Variants in CFAP20DC observed in about 807,000 individuals in gnomAD.
CFAP20DC encodes protein CFAP20DC.
In CFAP20DC, 84 loss-of-function variants were observed where a neutral mutation model predicts 101.7. That is an observed-to-expected ratio of 0.83 (90% CI 0.69 to 0.99). The LOEUF (loss-of-function observed/expected upper bound fraction) is 0.99. Ranked by LOEUF, CFAP20DC falls within the 50% of genes least tolerant of loss-of-function variation. The pLI, the probability that CFAP20DC is intolerant of heterozygous loss-of-function variation, is 0.00. For missense variants in CFAP20DC, 1,007 were observed against 970.3 expected (o/e 1.04, Z -0.50); for synonymous variants, 359 against 351.2 (o/e 1.02, Z -0.25).
intron 4 of CFAP20DC, among the ~76,000 whole-genome samples, chr3:59,011,581 A>C (rs545910041): frequency 6.6e-6 from 1 of 152,190 alleles, no homozygotes; most frequent in Non-Finnish European, 1.5e-5. Context: ...TCAAACCCAA[A>C]CTCAGCAGAA....
At chr3:58,808,720 A>G (rs1369773935) in intron 14 of CFAP20DC, among the ~76,000 whole-genome samples, 1 of 152,178 alleles carries the variant, frequency 6.6e-6, no homozygotes, top group South Asian at 2.1e-4. Flanking sequence ...AACTATATTA[A>G]CCTTAAATGT....
chr3:58,787,228 CT>C (rs1294499724), intron 15 of CFAP20DC, among the ~76,000 whole-genome samples: 4 of 150,660 alleles, frequency 2.7e-5, no homozygotes, highest in Non-Finnish European at 4.4e-5. Flanking sequence ...TCTCAGTAAA[CT>C]ATCGCAAGAA....
rs2093667089 is a variant in CFAP20DC at position 59,015,361 on chromosome 3, G to T, written c.278+24196C>A. On this transcript the variant is annotated intron_variant, in intron 4 of 16. Coordinates refer to ENST00000482387, the MANE Select transcript of CFAP20DC (RefSeq NM_001394063.1). The surrounding 1 kb of genome is among the most constrained non-coding windows in gnomAD (Gnocchi z 5.4). ...ATGAGAAGGAAAGGAAGAAGGAAAA[G>T]AAAAATTAGGAAGAAGAAGAATAAA... Among the ~76,000 whole-genome samples, 1 of 151,372 alleles carries T rather than the reference G, an allele frequency of 6.6e-6. No homozygotes were observed. Among genetic ancestry groups the T allele is most frequent in the Admixed American group, 6.6e-5 (1 of 15,148 alleles).
At chr3:58,880,762 T>A (rs1289501711) in intron 7 of CFAP20DC, among the ~76,000 whole-genome samples, 1 of 152,148 alleles carries the variant, frequency 6.6e-6, no homozygotes, top group South Asian at 2.1e-4. Context: ...ACTTAAAATT[T>A]TTTTGACAAA....
At chr3:58,744,143 T>C (rs2068038843) in intron 16 of CFAP20DC, among the ~76,000 whole-genome samples, 1 of 152,218 alleles carries the variant, frequency 6.6e-6, no homozygotes, top group African/African-American at 2.4e-5. Context: ...CTTGATGGTT[T>C]AGAAAGCTCT....
At chr3:58,852,555 C>G (rs941696166) in intron 12 of CFAP20DC, among the ~76,000 whole-genome samples, 15 of 151,914 alleles carry the variant, frequency 9.9e-5, no homozygotes, top group African/African-American at 3.4e-4. Flanking sequence ...AGCACCACAC[C>G]TATTCCAAAA....
At position 58,923,389 on chromosome 3, in the gene CFAP20DC, A is replaced by G. The variant is rs571105580; in HGVS notation, c.394-9525T>C. ...TTTTCAGTTTTGACAACTTCCTTTA[A>G]TATTTTCGTAGCATCAGTTTACTGG... On this transcript the variant is annotated intron_variant, in intron 5 of 16. Transcript: ENST00000482387. 1.6e-4 allele frequency among the ~76,000 whole-genome samples: 25 copies of G among 152,278 alleles called. No homozygotes were observed. In the South Asian group the frequency reaches 5.0e-3, roughly 30 times the overall value.
chr3:59,000,546 G>C (rs1245769434), intron 4 of CFAP20DC, among the ~76,000 whole-genome samples: 1 of 152,160 alleles, frequency 6.6e-6, no homozygotes, highest in African/African-American at 2.4e-5. Flanking sequence ...AAGAGATTTG[G>C]AAATGCTGAT....
intron 4 of CFAP20DC, chr3:58,970,739 T>C (rs1297055819): frequency 1.3e-5 from 2 of 152,140 alleles, no homozygotes; most frequent in Non-Finnish European, 2.9e-5. Flanking sequence ...AATAATAACA[T>C]CTGTCCTTCC....
chr3:58,761,762 A>C (rs58611099), intron 15 of CFAP20DC, among the ~76,000 whole-genome samples: 8,437 of 152,280 alleles, frequency 0.055, 519 homozygotes, highest in East Asian at 0.35. Context: ...GTTTCAAAGA[A>C]CATCTTTATT....
intron 5 of CFAP20DC, among the ~76,000 whole-genome samples, chr3:58,920,266 A>C (rs1428253884): frequency 1.3e-5 from 2 of 151,530 alleles, no homozygotes; most frequent in East Asian, 3.9e-4. Context: ...AATTTTAAAA[A>C]ATTATTTGTA....
rs1345728173 is a variant in CFAP20DC, at chr3:58,724,361, G to C, written c.198-6733C>G. On this transcript the variant is annotated intron_variant, in intron 3 of 3. Transcript: ENST00000486145. The surrounding 1 kb of genome is among the most constrained non-coding windows in gnomAD (Gnocchi z 5.6). ...AATAAGTTGTGGAAAGCCACAAGAG[G>C]TCTCTGAGGAGGAAAGCCTCCTAAT... is the stretch of plus-strand genomic sequence containing the variant. 6.6e-6 allele frequency among the ~76,000 whole-genome samples: 1 copy of C among 152,176 alleles called. No homozygotes were observed. Among genetic ancestry groups the C allele is most frequent in the Non-Finnish European group, 1.5e-5 (1 of 68,040 alleles).
At chr3:58,753,319 A>G (rs969720709) in intron 16 of CFAP20DC, among the ~76,000 whole-genome samples, 3 of 152,192 alleles carry the variant, frequency 2.0e-5, no homozygotes, top group Admixed American at 2.0e-4. Context: ...AATAATGCCA[A>G]CAGCTGGTAT....
chr3:58,966,521 A>C (rs963328298), intron 4 of CFAP20DC, among the ~76,000 whole-genome samples: 5 of 144,138 alleles, frequency 3.5e-5, no homozygotes, highest in Non-Finnish European at 4.5e-5. Flanking sequence ...TATATATATA[A>C]ATATATATAT....
At chr3:58,805,695 A>G (rs1345865109) in intron 15 of CFAP20DC, among the ~76,000 whole-genome samples, 3 of 152,226 alleles carry the variant, frequency 2.0e-5, no homozygotes, top group Non-Finnish European at 4.4e-5. Context: ...TGATAAGGTA[A>G]TACTAATTTA....
In CFAP20DC at chr3:58,742,466, C is replaced by T; in HGVS notation, c.2439G>A (p.Leu813=). 6.3e-7 allele frequency: 1 copy of T among 1,599,570 alleles called. No homozygotes were observed. The highest frequency in any genetic ancestry group is 8.5e-7 in the Non-Finnish European group (1 of 1,172,726). Residue 813 remains leucine (L), a synonymous_variant, in exon 17 of 17, where the codon TTG becomes TTA. Transcript: ENST00000482387. ...TCTGCCCCGGAAGGAGGCATTATAC[C>T]AACTCATAGTATTTCCCTGTTTGGG... The part of the protein sequence containing the change: ...FDPQTGKYYE[L]V
intron 4 of CFAP20DC, among the ~76,000 whole-genome samples, chr3:58,995,015 T>C (rs1011084338): frequency 3.3e-5 from 5 of 152,126 alleles, no homozygotes; most frequent in Admixed American, 3.3e-4. Flanking sequence ...AGGATATCCA[T>C]TTTCTTTTGC....
chr3:58,760,613 A>G (rs1303942057), intron 15 of CFAP20DC, among the ~76,000 whole-genome samples: 1 of 152,168 alleles, frequency 6.6e-6, no homozygotes, highest in African/African-American at 2.4e-5. Context: ...GTCTTGGGCC[A>G]GTTTTCAAAG....
At chr3:58,801,943 T>A (rs939725035) in intron 15 of CFAP20DC, among the ~76,000 whole-genome samples, 1 of 152,216 alleles carries the variant, frequency 6.6e-6, no homozygotes, top group African/African-American at 2.4e-5. Context: ...GTTTGGGTAT[T>A]CTGAATTATT....
Sources: gnomAD v4.1 joint callset for allele counts (sites outside exome capture counted in the v4.1 genomes callset) on GRCh38, gnomAD v4.1.1 for gene constraint, Gnocchi (gnomAD v3.1) non-coding constraint, MANE v1.5 for transcripts, NCBI Gene and HGNC (gene_info 2026-07-23, HGNC 2026-07-21) for gene names.